PIK3C2G: variants seen among roughly 807,000 people sequenced by gnomAD.
The protein encoded by PIK3C2G is phosphatidylinositol 3-kinase C2 domain-containing subunit gamma.
Under a neutral mutation model 181.1 loss-of-function variants are expected in PIK3C2G, and 168 were observed. The observed-to-expected ratio is 0.93, with a 90% confidence interval of 0.82 to 1.05. The LOEUF is 1.05. Ranked by LOEUF, PIK3C2G falls within the 50% of genes least tolerant of loss-of-function variation. The probability of loss-of-function intolerance (pLI) is 0.00; values close to 1 mark genes in which losing one functional copy is unlikely to be tolerated. For missense variants in PIK3C2G, 1,869 were observed against 1,732.8 expected (o/e 1.08, Z -1.40); for synonymous variants, 573 against 592.2 (o/e 0.97, Z 0.47).
intron 26 of PIK3C2G, among the ~76,000 whole-genome samples, chr12:18,559,821 TAGAGAG>T (rs1171468138): frequency 8.7e-3 from 160 of 18,290 alleles, no homozygotes; most frequent in East Asian, 0.017. Flanking sequence ...TATATATATA[TAGAGAG>T]AGAGAGAGAG....
intron 31 of PIK3C2G, among the ~76,000 whole-genome samples, chr12:18,631,326 C>A (rs990809002): frequency 2.0e-5 from 3 of 152,156 alleles, no homozygotes; most frequent in Non-Finnish European, 2.9e-5. Flanking sequence ...CCGACTTCAA[C>A]TAAAACCTGT....
At chr12:18,406,284 T>C (rs1944524775) in intron 16 of PIK3C2G, among the ~76,000 whole-genome samples, 1 of 152,200 alleles carries the variant, frequency 6.6e-6, no homozygotes, top group Non-Finnish European at 1.5e-5. Flanking sequence ...CATCCTTTAA[T>C]GGACACTAAG....
the PIK3C2G span, among the ~76,000 whole-genome samples, chr12:18,709,869 C>A: frequency 1.3e-5 from 2 of 152,016 alleles, no homozygotes; most frequent in Non-Finnish European, 2.9e-5. Flanking sequence ...GTATACAGAT[C>A]TTTCACTTCC....
the PIK3C2G span, among the ~76,000 whole-genome samples, chr12:18,671,460 C>G: frequency 3.3e-5 from 5 of 151,968 alleles, no homozygotes; most frequent in African/African-American, 1.2e-4. Flanking sequence ...ATGCAGAAAA[C>G]CTGAACCTAA....
At chr12:18,256,984 TC>T (rs900426762), upstream of PIK3C2G, among the ~76,000 whole-genome samples, 3 of 152,106 alleles carry the variant, frequency 2.0e-5, no homozygotes, top group Non-Finnish European at 4.4e-5. Flanking sequence ...GGACAACTCT[TC>T]CGTTCTCAAT....
the PIK3C2G span, among the ~76,000 whole-genome samples, chr12:18,680,120 T>C: frequency 6.6e-6 from 1 of 152,138 alleles, no homozygotes; most frequent in East Asian, 1.9e-4. Flanking sequence ...GTTTTTGCAG[T>C]ACTGAGAAGA....
the PIK3C2G span, chr12:18,684,329 G>GA: frequency 1.3e-6 from 2 of 1,514,178 alleles, no homozygotes; most frequent in Middle Eastern, 2.0e-4. Flanking sequence ...CCATATCTAG[G>GA]AAAAAATAGA....
the PIK3C2G span, chr12:18,723,345 A>C: frequency 3.5e-5 from 57 of 1,612,600 alleles, no homozygotes; most frequent in East Asian, 1.2e-3. Flanking sequence ...GAATGATCTC[A>C]AAAGCAATAG....
chr12:18,480,360 ACAGTCCC>A (rs1315611068), intron 18 of PIK3C2G, among the ~76,000 whole-genome samples: 16 of 152,296 alleles, frequency 1.1e-4, no homozygotes, highest in Middle Eastern at 3.4e-3. Context: ...TGTAAACAGG[ACAGTCCC>A]TTCTCTTAAA....
At chr12:18,347,792 TGGGGGACAGAG>T (rs1211273933) in intron 11 of PIK3C2G, among the ~76,000 whole-genome samples, 6 of 151,432 alleles carry the variant, frequency 4.0e-5, no homozygotes, top group African/African-American at 1.5e-4. Flanking sequence ...CACTCCAGCC[TGGGGGACAGAG>T]TGAGACTCTG....
At chr12:18,659,188 G>A in the PIK3C2G span, among the ~76,000 whole-genome samples, 2 of 152,116 alleles carry the variant, frequency 1.3e-5, no homozygotes, top group Non-Finnish European at 2.9e-5. Flanking sequence ...AATATATAAA[G>A]GTACTCAAAA....
At chr12:18,331,477 G>A (rs1007617721) in intron 8 of PIK3C2G, among the ~76,000 whole-genome samples, 2 of 151,888 alleles carry the variant, frequency 1.3e-5, no homozygotes, top group East Asian at 1.9e-4. Context: ...TTACTAATAC[G>A]TGGGAGTGGA....
chr12:18,282,863 ATCTAT>A, intron 2 of PIK3C2G, 104 bp downstream of exon 2: 3 of 771,796 alleles, frequency 3.9e-6, no homozygotes, highest in Non-Finnish European at 5.9e-6. Context: ...AAATAGGGAA[ATCTAT>A]TCATCTTACT....
the PIK3C2G span, chr12:18,683,734 G>C: frequency 2.4e-6 from 2 of 817,536 alleles, no homozygotes; most frequent in East Asian, 5.8e-5. Context: ...CCCTGAAAAG[G>C]GGTCAGGAAA....
At chr12:18,625,240 G>T (rs1163613853) in intron 31 of PIK3C2G, among the ~76,000 whole-genome samples, 3 of 151,470 alleles carry the variant, frequency 2.0e-5, no homozygotes, top group Non-Finnish European at 3.0e-5. Flanking sequence ...CTTGTCTTAA[G>T]GTATTTTTTA....
chr12:18,602,781 C>T (rs754577356), intron 30 of PIK3C2G, among the ~76,000 whole-genome samples: 1 of 152,160 alleles, frequency 6.6e-6, no homozygotes, highest in Non-Finnish European at 1.5e-5. Flanking sequence ...ACAACAATCA[C>T]TGCACTTCAG....
At chr12:18,508,770 A>AC (rs1214606010) in intron 24 of PIK3C2G, among the ~76,000 whole-genome samples, 2 of 152,042 alleles carry the variant, frequency 1.3e-5, no homozygotes, top group Non-Finnish European at 2.9e-5. Context: ...GTTTAATAAC[A>AC]CCCCCCATAA....
At chr12:18,675,727 A>G in the PIK3C2G span, among the ~76,000 whole-genome samples, 1 of 152,148 alleles carries the variant, frequency 6.6e-6, no homozygotes, top group Non-Finnish European at 1.5e-5. Context: ...TTGCAGCAAC[A>G]TGGATGGAGC....
At chr12:18,718,206 G>A in the PIK3C2G span, among the ~76,000 whole-genome samples, 1 of 152,094 alleles carries the variant, frequency 6.6e-6, no homozygotes. Flanking sequence ...TAACCACATT[G>A]TAAGTTGAGA....
Sources: gnomAD v4.1 joint callset for allele counts (sites outside exome capture counted in the v4.1 genomes callset) on GRCh38, gnomAD v4.1.1 for gene constraint, MANE v1.5 for transcripts, NCBI Gene and HGNC (gene_info 2026-07-23, HGNC 2026-07-21) for gene names.